Variants in ASB12 observed in about 807,000 individuals in gnomAD.
The protein encoded by ASB12 is ankyrin repeat and SOCS box containing 12.
In ASB12, 17 loss-of-function variants were observed where a neutral mutation model predicts 13.7. That is an observed-to-expected ratio of 1.24 (90% CI 0.85 to 1.86). The LOEUF (loss-of-function observed/expected upper bound fraction) is 1.86. Ranked by LOEUF, ASB12 falls within the 40% of genes most tolerant of loss-of-function variation. ASB12 has a pLI of 0.00. For synonymous variants in ASB12, 107 were observed against 99.8 expected, an observed-to-expected ratio of 1.07 and a Z score of -0.43; for missense variants, 329 against 250.5, an observed-to-expected ratio of 1.31 and a Z score of -2.11.
chrX:64,224,454 G>T lies in ASB12; in HGVS notation c.838C>A (p.Leu280Ile). ...ACGACTAAACGGACCTGTGATAGAA[G>T]TGACCGTGGAGTGGCTACAGCAAGA... The part of the protein sequence containing the change: ...LLQARATPRS[L>I]LSQVRLVVRR... Residue 280 changes from leucine to isoleucine, a missense_variant, in exon 3 of 3, where the codon CTT becomes ATT. By Grantham distance (5) the Leu-to-Ile change is conservative. Coordinates refer to ENST00000362002, the MANE Select transcript of ASB12 (RefSeq NM_130388.4). 1 of 1,210,489 alleles carries T rather than the reference G, an allele frequency of 8.3e-7. No individual in the cohort carries two copies. The highest frequency in any genetic ancestry group is 1.1e-6 in the Non-Finnish European group (1 of 894,660).
At chrX:64,224,565 G>T in intron 2 of ASB12, 97 bp from the exon 3 acceptor site, 1 of 969,671 alleles carries the variant, frequency 1.0e-6, no homozygotes, top group Non-Finnish European at 1.4e-6. Flanking sequence ...CAGCCCTAAT[G>T]CTCTATCCTT....
At chrX:64,229,266 G>A (rs5964744) in intron 1 of ASB12, among the ~76,000 whole-genome samples, 26,432 of 111,243 alleles carry the variant, frequency 0.24, 7,556 homozygotes, top group African/African-American at 0.82. Context: ...GCAGAGGGAA[G>A]TGCTGAAGTT....
rs1280296123 is a variant in ASB12 at position 64,225,154 on chromosome X, T to G, written c.497A>C (p.Asn166Thr). ...QELLDHGAEA[N>T]VKAKLPVWAS... ...CCAGACTGGTAGTTTAGCTTTGACG[T>G]TGGCCTCTGCACCATGGTCTAGGAG... The change falls in exon 2 of 3, where the codon AAC becomes ACC. Residue 166 changes from asparagine (N) to threonine (T), a missense_variant. By Grantham distance (65) the Asn-to-Thr change is moderately conservative. Coordinates refer to ENST00000362002, the MANE Select transcript of ASB12 (RefSeq NM_130388.4). The G allele has an allele frequency of 1.7e-6, 2 of 1,211,402 alleles. No individual in the cohort carries two copies. The highest frequency in any genetic ancestry group is 2.2e-6 in the Non-Finnish European group (2 of 895,380).
chrX:64,229,483 C>T (rs1442669277), intron 1 of ASB12, among the ~76,000 whole-genome samples: 1 of 112,093 alleles, frequency 8.9e-6, no homozygotes, highest in Non-Finnish European at 1.9e-5. Flanking sequence ...CTGTTATGTG[C>T]ACGTAGCTCC....
intron 1 of ASB12, among the ~76,000 whole-genome samples, chrX:64,229,748 T>C (rs1171947537): frequency 8.9e-6 from 1 of 112,476 alleles, no homozygotes; most frequent in Non-Finnish European, 1.9e-5. Context: ...ATAAATGACA[T>C]TTCAAGATCT....
At position 64,225,102 on chromosome X, in the gene ASB12, G is replaced by A. The variant is rs767310102; in HGVS notation, c.549C>T (p.Gly183=). Residue 183 remains glycine (G), a synonymous_variant, in exon 2 of 3, where the codon GGC becomes GGT. Coordinates refer to ENST00000362002, the MANE Select transcript of ASB12 (RefSeq NM_130388.4). Reference sequence around the variant, plus strand: ...CGTAGACTGCGGCCAAATAGAGGGGGCCAGAACATGAAGCTATGTTTGATG... The same window carrying A: ...CGTAGACTGCGGCCAAATAGAGGGGACCAGAACATGAAGCTATGTTTGATG... ...VWASNIASCS[G]PLYLAAVYGH... is the part of the protein sequence containing the mutation. 2.5e-6 allele frequency: 3 copies of A among 1,209,497 alleles called. No individual in the cohort carries two copies. The highest frequency in any genetic ancestry group is 3.0e-5 in the East Asian group (1 of 33,726).
chrX:64,225,283 C>T lies in ASB12; in HGVS notation c.368G>A (p.Arg123His), dbSNP rs759793264. Residue 123 changes from arginine to histidine, a missense_variant, in exon 2 of 3, where the codon CGT (arginine) becomes CAT (histidine). By Grantham distance (29) the Arg-to-His change is conservative. Transcript: ENST00000362002. Reference protein sequence around the residue: ...AVSHGHLDCVRVLLEAGASPG... With the variant: ...AVSHGHLDCVHVLLEAGASPG... ...AGAGGCACCAGCTTCCAAAAGCACA[C>T]GTACACAGTCCAGATGGCCATGACT... 3.5e-5 allele frequency: 42 copies of T among 1,209,012 alleles called. 1 individual carries two copies. Among genetic ancestry groups the T allele is most frequent in the South Asian group, 2.5e-4 (14 of 56,472 alleles).
Position 64,225,257 on chromosome X carries a change from G to T in ASB12, c.394C>A (p.Pro132Thr), listed in dbSNP as rs1240315014. The change falls in exon 2 of 3, where the codon CCT becomes ACT. Residue 132 changes from proline (P) to threonine (T), a missense_variant. Coordinates refer to ENST00000362002, the MANE Select transcript of ASB12 (RefSeq NM_130388.4). ...VRVLLEAGAS[P>T]GGSIYNNCSP... ...CAGTTGTTGTAGATGCTACCACCAG[G>T]AGAGGCACCAGCTTCCAAAAGCACA... 8.3e-7 allele frequency: 1 copy of T among 1,211,296 alleles called. No individual in the cohort carries two copies. The highest frequency in any genetic ancestry group is 1.1e-6 in the Non-Finnish European group (1 of 895,331).
At position 64,224,911 on chromosome X, in the gene ASB12, C is replaced by A. The variant is rs932613575; in HGVS notation, c.740G>T (p.Gly247Val). 1 of 1,208,520 alleles carries A rather than the reference C, an allele frequency of 8.3e-7. No individual in the cohort carries two copies. The highest frequency in any genetic ancestry group is 1.8e-5 in the African/African-American group (1 of 56,984). Residue 247 changes from glycine to valine, a missense_variant, in exon 2 of 3, where the codon GGT becomes GTT. Gly to Val is a moderately radical substitution (Grantham distance 109). Transcript: ENST00000362002. ...GAGAGATGGAAGGTAGATATTAGCA[C>A]CAAAATCGATTAACAGCTGGATATA... ...PEYIQLLIDF[G>V]ANIYLPSLSL...
intron 2 of ASB12, 141 bp from the exon 3 acceptor site, chrX:64,224,609 A>G (rs1930893342): frequency 1.2e-6 from 1 of 865,699 alleles, no homozygotes; most frequent in Admixed American, 3.6e-5. Flanking sequence ...CAGAGCCAGA[A>G]CCAGAAATTG....
intron 1 of ASB12, among the ~76,000 whole-genome samples, chrX:64,226,165 G>A (rs762425962): frequency 1.3e-4 from 15 of 112,418 alleles, no homozygotes; most frequent in East Asian, 5.6e-4. Flanking sequence ...CTGGCCTGGC[G>A]CTGGCTAAGC....
In ASB12 at chrX:64,224,871, G is replaced by A. The variant is rs1930902430; in HGVS notation, c.780C>T (p.Thr260=). 1 of 1,199,820 alleles carries A rather than the reference G, an allele frequency of 8.3e-7. No homozygotes were observed. Among genetic ancestry groups the A allele is most frequent in the Non-Finnish European group, 1.1e-6 (1 of 888,518 alleles). Residue 260 remains threonine, a synonymous_variant, in exon 2 of 3, where the codon ACC becomes ACT. Coordinates refer to ENST00000362002, the MANE Select transcript of ASB12 (RefSeq NM_130388.4). ...ATGCAATGCCTTTATCATCTTGTGA[G>A]GTCAGGTCAAGGGAGAGAGATGGAA... ...IYLPSLSLDL[T]SQDDKGIALL... is the part of the protein sequence containing the mutation.
intron 1 of ASB12, among the ~76,000 whole-genome samples, chrX:64,229,200 C>T (rs1016547122): frequency 9.0e-6 from 1 of 111,603 alleles, no homozygotes; most frequent in African/African-American, 3.3e-5. Context: ...TAGGAATTCC[C>T]TCCTTAATAT....
chrX:64,229,954 G>T (rs1456029263), intron 1 of ASB12, among the ~76,000 whole-genome samples: 1 of 111,505 alleles, frequency 9.0e-6, no homozygotes, highest in African/African-American at 3.3e-5. Flanking sequence ...TCTATCTAAG[G>T]CCCTCTTGGT....
rs754663327 is a variant in ASB12 at position 64,227,973 on chromosome X, G to T, written c.-24-2299C>A. 2.0e-4 allele frequency among the ~76,000 whole-genome samples: 22 copies of T among 112,505 alleles called. No homozygotes were observed. In the South Asian group the frequency reaches 7.8e-3, roughly 40 times the overall value. ...ACTATGCTTCATCTAGGCCCCCACT[G>T]CCTTTTGCCTCAGCAGTTATAGTGG... On this transcript the variant is annotated intron_variant, in intron 1 of 2. Coordinates refer to ENST00000362002, the MANE Select transcript of ASB12 (RefSeq NM_130388.4).
intron 1 of ASB12, chrX:64,226,764 C>A (rs772697735): frequency 7.6e-5 from 57 of 751,794 alleles, no homozygotes; most frequent in Non-Finnish European, 8.6e-5. Flanking sequence ...GTCATCAGGG[C>A]GAGCTGGCAG....
rs1316804968 is a variant in ASB12 at position 64,225,323 on chromosome X, G to T, written c.328C>A (p.Leu110Ile). The T allele has an allele frequency of 1.7e-6, 2 of 1,207,061 alleles. No individual in the cohort carries two copies. The highest frequency in any genetic ancestry group is 3.5e-5 in the African/African-American group (2 of 57,000). The change falls in exon 2 of 3, where the codon CTT becomes ATT. Residue 110 changes from leucine to isoleucine, a missense_variant. By Grantham distance (5) the Leu-to-Ile change is conservative. Coordinates refer to ENST00000362002, the MANE Select transcript of ASB12 (RefSeq NM_130388.4). The stretch of plus-strand genomic sequence containing the variant: ...TGGCCATGACTGACAGCAGTGAAAA[G>T]TGGCGTCTGTGCCTTGACATCCAAG... The part of the protein sequence containing the change: ...DSLDVKAQTP[L>I]FTAVSHGHLD...
Position 64,224,353 on chromosome X carries a change from G to A in ASB12, c.939C>T (p.Tyr313=). Residue 313 remains tyrosine, a synonymous_variant, in exon 3 of 3, where the codon TAC becomes TAT. Transcript: ENST00000362002. ...TGCAAGATTACAGTTGGTGTTTTAGGTAGCTAATCAACATGGGAGGAATAT... is the reference window on the plus strand; with the variant it reads ...TGCAAGATTACAGTTGGTGTTTTAGATAGCTAATCAACATGGGAGGAATAT... ...QLDIPPMLIS[Y]LKHQL is the part of the protein sequence containing the mutation. 1 of 1,211,113 alleles carries A rather than the reference G, an allele frequency of 8.3e-7. No individual in the cohort carries two copies. Among genetic ancestry groups the A allele is most frequent in the Non-Finnish European group, 1.1e-6 (1 of 895,114 alleles).
chrX:64,228,187 C>T (rs1930984018), intron 1 of ASB12, among the ~76,000 whole-genome samples: 1 of 112,274 alleles, frequency 8.9e-6, no homozygotes. Flanking sequence ...TGGCCAATCT[C>T]TCCAGCCTCA....
Sources: gnomAD v4.1 joint callset for allele counts (sites outside exome capture counted in the v4.1 genomes callset) on GRCh38, gnomAD v4.1.1 for gene constraint, MANE v1.5 for transcripts, NCBI Gene and HGNC (gene_info 2026-07-23, HGNC 2026-07-21) for gene names.